The following CALN1 variants were observed in gnomAD, a reference collection of about 807,000 sequenced individuals.
CALN1 encodes the protein calneuron 1, also known as calcium-binding protein 8.
In CALN1, 17 loss-of-function variants were observed where a neutral mutation model predicts 30.6. That is an observed-to-expected ratio of 0.56 (90% CI 0.38 to 0.83). CALN1 has a LOEUF of 0.83. Among genes scored for constraint, CALN1 ranks in the 40% least tolerant of loss-of-function variants. The pLI, the probability that CALN1 is intolerant of heterozygous loss-of-function variation, is 0.00. For synonymous variants in CALN1, 156 were observed against 131.4 expected (o/e 1.19, Z -1.28); for missense variants, 291 against 354.9 (o/e 0.82, Z 1.45).
At chr7:72,332,756 T>C (rs932746787) in intron 2 of CALN1, among the ~76,000 whole-genome samples, 25 of 152,126 alleles carry the variant, frequency 1.6e-4, no homozygotes, top group Non-Finnish European at 5.9e-5. Context: ...TTAGTTTCTG[T>C]TGCTTGCAAC....
At chr7:71,856,991 A>C (rs1790985020) in intron 5 of CALN1, among the ~76,000 whole-genome samples, 1 of 148,980 alleles carries the variant, frequency 6.7e-6, no homozygotes, top group Non-Finnish European at 1.5e-5. Context: ...TAATAACTGT[A>C]GACAACCTCA....
intron 4 of CALN1, among the ~76,000 whole-genome samples, chr7:72,060,921 A>G (rs1803603300): frequency 6.6e-6 from 1 of 152,170 alleles, no homozygotes; most frequent in African/African-American, 2.4e-5. Context: ...TTTCTTTATA[A>G]ATTACTCAGT....
intron 2 of CALN1, among the ~76,000 whole-genome samples, chr7:72,401,241 TGA>T (rs1562949827): frequency 6.6e-6 from 1 of 151,762 alleles, no homozygotes; most frequent in Admixed American, 6.5e-5. Flanking sequence ...CAATGCACTC[TGA>T]GAGATAACAT....
intron 3 of CALN1, among the ~76,000 whole-genome samples, chr7:72,116,696 T>C (rs530402740): frequency 1.3e-5 from 2 of 152,290 alleles, no homozygotes; most frequent in South Asian, 4.1e-4. Flanking sequence ...GAGAATCTAG[T>C]GTCGAACAGG....
intron 5 of CALN1, among the ~76,000 whole-genome samples, chr7:71,990,919 T>C (rs941619962): frequency 6.6e-6 from 1 of 152,104 alleles, no homozygotes; most frequent in Non-Finnish European, 1.5e-5. Flanking sequence ...CAGCACAACA[T>C]ACACTCCAGA....
At chr7:72,435,343 C>T (rs955450924) in intron 1 of CALN1, among the ~76,000 whole-genome samples, 8 of 152,048 alleles carry the variant, frequency 5.3e-5, no homozygotes, top group Admixed American at 2.6e-4. Context: ...AGAGAGCAGA[C>T]GAGAATGTGG....
intron 2 of CALN1, among the ~76,000 whole-genome samples, chr7:72,375,488 T>C (rs530293655): frequency 5.9e-5 from 9 of 151,470 alleles, no homozygotes; most frequent in Non-Finnish European, 1.0e-4. Flanking sequence ...ATTACTTGAG[T>C]TCTGGAGGTC....
chr7:72,105,035 A>G (rs1245762355), intron 4 of CALN1, among the ~76,000 whole-genome samples: 4 of 138,846 alleles, frequency 2.9e-5, no homozygotes, highest in Non-Finnish European at 4.6e-5. Flanking sequence ...ACCTGTCATG[A>G]AAAAAAAAAA....
At chr7:72,262,284 A>AT (rs1317039069) in intron 3 of CALN1, among the ~76,000 whole-genome samples, 16 of 152,212 alleles carry the variant, frequency 1.1e-4, no homozygotes, top group African/African-American at 3.6e-4. Flanking sequence ...GAAGGCCTGC[A>AT]TATGCAGCCA....
chr7:71,851,286 C>T (rs180915280), intron 5 of CALN1, among the ~76,000 whole-genome samples: 6 of 149,392 alleles, frequency 4.0e-5, no homozygotes, highest in Admixed American at 6.7e-5. Flanking sequence ...AGTAGGAGGC[C>T]GAGATGACCA....
chr7:72,366,082 A>G (rs867463844), intron 2 of CALN1, among the ~76,000 whole-genome samples: 52 of 152,300 alleles, frequency 3.4e-4, no homozygotes, highest in African/African-American at 1.2e-3. Context: ...TGAGAAGTAC[A>G]AGAAATGTCT....
chr7:72,485,545 G>A, the CALN1 span, among the ~76,000 whole-genome samples: 1 of 152,202 alleles, frequency 6.6e-6, no homozygotes. Flanking sequence ...TTGTGCATAA[G>A]CTAGATTGAT....
chr7:72,053,091 G>A (rs536233388), intron 4 of CALN1, among the ~76,000 whole-genome samples: 59 of 152,296 alleles, frequency 3.9e-4, no homozygotes, highest in Non-Finnish European at 7.2e-4. Context: ...TTGGCCAGAC[G>A]TGGTGACGGG....
chr7:72,144,977 T>C (rs1810239817), intron 3 of CALN1, among the ~76,000 whole-genome samples: 1 of 151,820 alleles, frequency 6.6e-6, no homozygotes, highest in African/African-American at 2.4e-5. Flanking sequence ...AAGCAGTGTG[T>C]AGAGGGAAAT....
chr7:71,968,747 C>A (rs1204520048), intron 5 of CALN1, among the ~76,000 whole-genome samples: 1 of 148,990 alleles, frequency 6.7e-6, no homozygotes, highest in Non-Finnish European at 1.5e-5. Flanking sequence ...TAAGTTTTAT[C>A]AAAATACATA....
At chr7:72,263,644 G>A (rs1796421654) in intron 3 of CALN1, among the ~76,000 whole-genome samples, 1 of 152,058 alleles carries the variant, frequency 6.6e-6, no homozygotes, top group African/African-American at 2.4e-5. Flanking sequence ...TTGAACCCCT[G>A]GCCTCAAGCA....
intron 5 of CALN1, among the ~76,000 whole-genome samples, chr7:71,890,376 G>GA (rs1793170639): frequency 1.3e-5 from 2 of 152,122 alleles, no homozygotes; most frequent in Non-Finnish European, 2.9e-5. Flanking sequence ...TAAGGTGTGG[G>GA]ACTAGTCCAT....
chr7:72,303,874 G>A lies in CALN1; in HGVS notation c.120-25064C>T, dbSNP rs575702269. 6.6e-5 allele frequency among the ~76,000 whole-genome samples: 10 copies of A among 152,228 alleles called. No individual in the cohort carries two copies. The East Asian group carries it at 1.5e-3, about 24-fold the overall frequency. On this transcript the variant is annotated intron_variant, in intron 2 of 6. Coordinates refer to ENST00000395275, the MANE Select transcript of CALN1 (RefSeq NM_031468.4). ...GGGTGACAGAGCAAGACTCTGTCTC[G>A]AGAAAATAAAAAGTAAATGTTATGG... is the stretch of plus-strand genomic sequence containing the variant.
chr7:72,358,581 C>T (rs929044583), intron 2 of CALN1, among the ~76,000 whole-genome samples: 4 of 152,234 alleles, frequency 2.6e-5, no homozygotes, highest in African/African-American at 4.8e-5. Flanking sequence ...ACCCCAACTT[C>T]GGAGAGAGAA....
Sources: allele counts gnomAD v4.1 joint callset (sites outside exome capture counted in the v4.1 genomes callset), GRCh38; gene constraint gnomAD v4.1.1; transcripts MANE v1.5; gene names NCBI Gene and HGNC (gene_info 2026-07-23, HGNC 2026-07-21).